CFAP299: variants seen among roughly 807,000 people sequenced by gnomAD.
CFAP299 encodes the protein cilia and flagella associated protein 299.
Under a neutral mutation model 27.0 loss-of-function variants are expected in CFAP299, and 21 were observed. The ratio of observed to expected loss-of-function variants is 0.78; its 90% CI spans 0.55 to 1.12. The LOEUF is 1.12. Ranked by LOEUF, CFAP299 falls within the 50% of genes most tolerant of loss-of-function variation. The pLI, the probability that CFAP299 is intolerant of heterozygous loss-of-function variation, is 0.00. For synonymous variants in CFAP299, 104 were observed against 98.1 expected, an observed-to-expected ratio of 1.06 and a Z score of -0.36; for missense variants, 310 against 276.6, an observed-to-expected ratio of 1.12 and a Z score of -0.86.
intron 2 of CFAP299, among the ~76,000 whole-genome samples, chr4:80,476,956 C>CGT (rs769289478): frequency 1.2e-4 from 17 of 143,152 alleles, no homozygotes; most frequent in African/African-American, 4.3e-4. Context: ...TGTGTGTGCG[C>CGT]ATGCGTGTGT....
intron 5 of CFAP299, among the ~76,000 whole-genome samples, chr4:80,954,691 A>T (rs1377875906): frequency 1.3e-5 from 2 of 152,184 alleles, no homozygotes; most frequent in Admixed American, 6.5e-5. Context: ...GGGGGGGACA[A>T]CTTATTTTTA....
intron 3 of CFAP299, among the ~76,000 whole-genome samples, chr4:80,591,538 C>T (rs1736793077): frequency 6.6e-6 from 1 of 152,118 alleles, no homozygotes; most frequent in Admixed American, 6.5e-5. Flanking sequence ...AAATCCAGGA[C>T]AGGTGCCCTA....
intron 2 of CFAP299, among the ~76,000 whole-genome samples, chr4:80,544,328 A>G (rs1309418715): frequency 6.6e-6 from 1 of 152,208 alleles, no homozygotes; most frequent in Non-Finnish European, 1.5e-5. Flanking sequence ...TAACAGCATG[A>G]TAACAGAATC....
intron 2 of CFAP299, among the ~76,000 whole-genome samples, chr4:80,431,489 TTCCTCC>T (rs748286463): frequency 3.3e-5 from 5 of 151,178 alleles, no homozygotes; most frequent in East Asian, 1.9e-4. Context: ...TTCTTTCCGT[TTCCTCC>T]TCCTCCTCCT....
intron 3 of CFAP299, among the ~76,000 whole-genome samples, chr4:80,688,602 G>A (rs184341790): frequency 7.5e-4 from 115 of 152,328 alleles, no homozygotes; most frequent in African/African-American, 2.6e-3. Context: ...AAAAAACAGA[G>A]CAGAAAAACT....
intron 2 of CFAP299, among the ~76,000 whole-genome samples, chr4:80,496,786 A>T (rs546001576): frequency 1.3e-5 from 2 of 152,292 alleles, no homozygotes; most frequent in African/African-American, 4.8e-5. Context: ...TCCACAGGCT[A>T]TACAGGAAGC....
At chr4:80,949,937 A>T (rs1737684000) in intron 5 of CFAP299, among the ~76,000 whole-genome samples, 3 of 152,146 alleles carry the variant, frequency 2.0e-5, no homozygotes, top group African/African-American at 7.2e-5. Flanking sequence ...AAAGCTGGAG[A>T]AGACAAGCAG....
At chr4:80,386,633 T>A in intron 2 of CFAP299, 1 of 1,597,374 alleles carries the variant, frequency 6.3e-7, no homozygotes, top group South Asian at 1.1e-5. Flanking sequence ...ATAGCGGAAC[T>A]TGTAGTAGCC....
intron 3 of CFAP299, among the ~76,000 whole-genome samples, chr4:80,631,857 G>GT (rs1739221218): frequency 1.6e-4 from 5 of 31,012 alleles, no homozygotes; most frequent in Admixed American, 4.1e-4. Context: ...CTGAATATTT[G>GT]TGCCCCACCC....
intron 3 of CFAP299, among the ~76,000 whole-genome samples, chr4:80,824,351 A>G (rs139170396): frequency 7.8e-4 from 119 of 152,268 alleles, no homozygotes; most frequent in African/African-American, 2.7e-3. Context: ...CGCAGTTTAT[A>G]CACGGTTTCA....
chr4:80,505,050 T>TTA (rs1452965034), intron 2 of CFAP299, among the ~76,000 whole-genome samples: 1 of 149,554 alleles, frequency 6.7e-6, no homozygotes, highest in Non-Finnish European at 1.5e-5. Flanking sequence ...TATATATCAT[T>TTA]TATATATTGG....
chr4:80,860,516 G>GT, intron 3 of CFAP299, among the ~76,000 whole-genome samples: 2 of 152,082 alleles, frequency 1.3e-5, no homozygotes, highest in African/African-American at 2.4e-5. Context: ...TTTCTGCTCT[G>GT]TTTTTTCCCC....
chr4:80,339,351 G>T (rs899450313), intron 1 of CFAP299, among the ~76,000 whole-genome samples: 8 of 152,120 alleles, frequency 5.3e-5, no homozygotes, highest in Admixed American at 4.6e-4. Context: ...CCAACAATTT[G>T]CTGCCATTAC....
At position 80,612,223 on chromosome 4, in the gene CFAP299, A is replaced by T. The variant is rs186881963; in HGVS notation, c.333+29040A>T. 2.0e-5 allele frequency among the ~76,000 whole-genome samples: 3 copies of T among 152,176 alleles called. No homozygotes were observed. In the East Asian group the frequency reaches 5.8e-4, roughly 29 times the overall value. On this transcript the variant is annotated intron_variant, in intron 3 of 5. Transcript: ENST00000358105. ...TCTATTTTTATACCCCATTTCTTAC[A>T]TTCTGTCTTTTCTTATCTCCTTCCT...
intron 3 of CFAP299, among the ~76,000 whole-genome samples, chr4:80,684,308 A>G (rs1720038868): frequency 6.6e-6 from 1 of 151,498 alleles, no homozygotes; most frequent in East Asian, 1.9e-4. Flanking sequence ...TTTGTTGCCC[A>G]GGCTGAGTGC....
intron 3 of CFAP299, among the ~76,000 whole-genome samples, chr4:80,750,012 G>A (rs1469202955): frequency 6.6e-6 from 1 of 152,036 alleles, no homozygotes; most frequent in Non-Finnish European, 1.5e-5. Context: ...AGTAAAGCTT[G>A]GGAAAATAAA....
At chr4:80,942,991 A>G (rs956369570) in intron 4 of CFAP299, among the ~76,000 whole-genome samples, 4 of 152,186 alleles carry the variant, frequency 2.6e-5, no homozygotes, top group Admixed American at 2.6e-4. Flanking sequence ...TGCCAATGCT[A>G]CAGAATCATC....
At chr4:80,500,846 C>T (rs1731706019) in intron 2 of CFAP299, among the ~76,000 whole-genome samples, 3 of 152,046 alleles carry the variant, frequency 2.0e-5, no homozygotes, top group African/African-American at 7.2e-5. Context: ...GATTTTACTT[C>T]TTTTTATAAA....
At chr4:80,955,023 AAAAAAAAAAAAC>A (rs1238023536) in intron 5 of CFAP299, among the ~76,000 whole-genome samples, 4 of 107,562 alleles carry the variant, frequency 3.7e-5, no homozygotes, top group African/African-American at 1.1e-4. Context: ...AAAAAAAAAA[AAAAAAAAAAAAC>A]GCACACATGG....
Sources: allele counts gnomAD v4.1 joint callset (sites outside exome capture counted in the v4.1 genomes callset), GRCh38; gene constraint gnomAD v4.1.1; transcripts MANE v1.5; gene names NCBI Gene and HGNC (gene_info 2026-07-23, HGNC 2026-07-21).